The following REEP5 variants were observed in gnomAD, a reference collection of about 807,000 sequenced individuals.
REEP5 encodes the protein receptor accessory protein 5.
Under a neutral mutation model 22.4 loss-of-function variants are expected in REEP5, and 24 were observed. The observed-to-expected ratio is 1.07, with a 90% CI of 0.78 to 1.51. The LOEUF is 1.51. Ranked by LOEUF, REEP5 falls within the 40% of genes most tolerant of loss-of-function variation. The pLI is 0.00. For synonymous variants in REEP5, 103 were observed against 88.6 expected (o/e 1.16, Z -0.92); for missense variants, 252 against 233.0 (o/e 1.08, Z -0.53).
chr5:112,877,816 AAAG>A lies in REEP5; in HGVS notation c.*967_*969del, dbSNP rs1271701041. On this transcript the variant is annotated 3_prime_UTR_variant, in exon 5 of 5. Transcript: ENST00000379638. ...CAGAAGTTCCTTAAACTGGTTTAAA[AAAG>A]AAGATTGGGAAAGAAGACTAAATCA... 1.3e-5 allele frequency: 2 copies of A among 152,228 alleles called. No homozygotes were observed. The highest frequency in any genetic ancestry group is 6.5e-5 in the Admixed American group (1 of 15,284). 9.4% of individuals were successfully genotyped at this position (152,228 alleles called of 1,614,324 possible). A position where few individuals can be genotyped will look rare whatever the true frequency, so the allele number is the denominator to read the frequency against.
At chr5:112,879,230 T>A (rs551520667) in intron 4 of REEP5, among the ~76,000 whole-genome samples, 103 of 149,186 alleles carry the variant, frequency 6.9e-4, no homozygotes, top group African/African-American at 2.4e-3. Flanking sequence ...ATCAATCTGA[T>A]GACAACTAGG....
chr5:112,893,093 TTA>T, intron 3 of REEP5: 1 of 700,000 alleles, frequency 1.4e-6, no homozygotes, highest in East Asian at 3.9e-5. Context: ...AGTTTTGTTC[TTA>T]AAAAAAAAAA....
chr5:112,909,955 C>A (rs1166787116), intron 2 of REEP5, among the ~76,000 whole-genome samples: 1 of 152,200 alleles, frequency 6.6e-6, no homozygotes, highest in African/African-American at 2.4e-5. Context: ...GCTGTACATT[C>A]TCTAAGGACT....
At chr5:112,907,975 C>G (rs1768992559) in intron 2 of REEP5, among the ~76,000 whole-genome samples, 2 of 151,420 alleles carry the variant, frequency 1.3e-5, no homozygotes, top group East Asian at 1.9e-4. Flanking sequence ...AAAGTTAATC[C>G]TGAATAACAG....
chr5:112,886,960 C>G, intron 4 of REEP5, 55 bp downstream of exon 4: 1 of 1,329,242 alleles, frequency 7.5e-7, no homozygotes, highest in Non-Finnish European at 1.0e-6. Flanking sequence ...GTTATTTGAG[C>G]CCAGTGTGTC....
intron 2 of REEP5, among the ~76,000 whole-genome samples, chr5:112,911,940 ATACTCT>A (rs1713753002): frequency 6.6e-6 from 1 of 152,174 alleles, no homozygotes; most frequent in African/African-American, 2.4e-5. Context: ...ATGAAAGAAA[ATACTCT>A]TAGGAAGGTT....
intron 2 of REEP5, among the ~76,000 whole-genome samples, chr5:112,920,492 TA>T (rs1561662017): frequency 1.3e-5 from 2 of 152,112 alleles, no homozygotes; most frequent in African/African-American, 4.8e-5. Context: ...TTAAAAAAAA[TA>T]AACACATTGT....
At chr5:112,904,520 C>G (rs1181710783) in intron 2 of REEP5, among the ~76,000 whole-genome samples, 2 of 152,178 alleles carry the variant, frequency 1.3e-5, no homozygotes, top group East Asian at 1.9e-4. Flanking sequence ...AAAGAAGCAA[C>G]TCTCAGGACA....
rs35932072 is a variant in REEP5, at chr5:112,889,829, AT to A, written c.352-2647del. 1.5e-3 allele frequency among the ~76,000 whole-genome samples: 209 copies of A among 139,296 alleles called. 6 individuals carry two copies. Among genetic ancestry groups the A allele is most frequent in the Middle Eastern group, 7.3e-3 (2 of 274 alleles). The allele number at this position is 139,296 out of a possible 152,430, so 91.4% of individuals were successfully genotyped here. A position where few individuals can be genotyped will look rare whatever the true frequency, so the allele number is the denominator to read the frequency against. On this transcript the variant is annotated intron_variant, in intron 3 of 4. Transcript: ENST00000379638. ...AGACCACATCTCTAGGAAAAAAAAAATTTTTTTTTTTTTTTGAGACTGATTC... is the reference window on the plus strand; with the variant it reads ...AGACCACATCTCTAGGAAAAAAAAAATTTTTTTTTTTTTTGAGACTGATTC...
At chr5:112,919,105 G>A (rs1769293820) in intron 2 of REEP5, among the ~76,000 whole-genome samples, 1 of 152,184 alleles carries the variant, frequency 6.6e-6, no homozygotes, top group Non-Finnish European at 1.5e-5. Flanking sequence ...TCTGGCTAGG[G>A]AGCATAAGAG....
chr5:112,906,408 G>A (rs185795517), intron 2 of REEP5, among the ~76,000 whole-genome samples: 60 of 152,268 alleles, frequency 3.9e-4, no homozygotes, highest in African/African-American at 1.1e-3. Context: ...CAAAATGTCC[G>A]GTACAAAGTA....
Position 112,877,582 on chromosome 5 carries a change from G to GTAAAC in REEP5, c.*1199_*1203dup, listed in dbSNP as rs1767936330. 1.3e-5 allele frequency: 2 copies of GTAAAC among 152,162 alleles called. No homozygotes were observed. Among genetic ancestry groups the GTAAAC allele is most frequent in the Non-Finnish European group, 2.9e-5 (2 of 68,042 alleles). 9.4% of individuals were successfully genotyped at this position (152,162 alleles called of 1,614,324 possible). A position where few individuals can be genotyped will look rare whatever the true frequency, so the allele number is the denominator to read the frequency against. ...AATGGACTACAAGTGACTCTGACTT[G>GTAAAC]TAAACTAGGGAAGCCTCTTGTGTTT... On this transcript the variant is annotated 3_prime_UTR_variant, in exon 5 of 5. Transcript: ENST00000379638.
chr5:112,887,359 A>G (rs1374908168), intron 3 of REEP5, among the ~76,000 whole-genome samples, 176 bp from the exon 4 acceptor site: 4 of 152,214 alleles, frequency 2.6e-5, no homozygotes, highest in Non-Finnish European at 5.9e-5. Context: ...AAAAAACATG[A>G]TGAGTAATGA....
At chr5:112,899,473 T>C (rs563538953) in intron 3 of REEP5, among the ~76,000 whole-genome samples, 2 of 152,322 alleles carry the variant, frequency 1.3e-5, no homozygotes, top group Admixed American at 6.5e-5. Context: ...TACTAAATTA[T>C]GCAAAAATTT....
intron 3 of REEP5, chr5:112,892,959 C>G (rs1355863859): frequency 6.3e-7 from 1 of 1,595,596 alleles, no homozygotes; most frequent in East Asian, 2.3e-5. Flanking sequence ...ACCAGGGCCG[C>G]CGGAGCCAGA....
intron 3 of REEP5, chr5:112,892,300 A>G: frequency 5.6e-6 from 9 of 1,614,072 alleles, no homozygotes; most frequent in Non-Finnish European, 7.6e-6. Flanking sequence ...GCAGTGCAGG[A>G]GGGATGACTA....
intron 2 of REEP5, among the ~76,000 whole-genome samples, chr5:112,907,582 A>T (rs1363870823): frequency 6.6e-6 from 1 of 152,250 alleles, no homozygotes; most frequent in Non-Finnish European, 1.5e-5. Context: ...GGCAGCTCTA[A>T]AATTAATCGA....
At chr5:112,879,683 A>G (rs549761713) in intron 4 of REEP5, among the ~76,000 whole-genome samples, 22 of 151,978 alleles carry the variant, frequency 1.4e-4, no homozygotes, top group East Asian at 3.9e-4. Flanking sequence ...TCACTGTGTT[A>G]GCCAGGATGG....
Position 112,877,411 on chromosome 5 carries a change from A to T in REEP5, c.*1375T>A, listed in dbSNP as rs1281826812. Reference sequence around the variant, plus strand: ...AAAGGACTCTTAACAGTATGGTGTAAAACTCAGATTTTCTAGTCCAGACAA... The same window carrying T: ...AAAGGACTCTTAACAGTATGGTGTATAACTCAGATTTTCTAGTCCAGACAA... On this transcript the variant is annotated 3_prime_UTR_variant, in exon 5 of 5. Coordinates refer to ENST00000379638, the MANE Select transcript of REEP5 (RefSeq NM_005669.5). 6.6e-6 allele frequency: 1 copy of T among 152,170 alleles called. No individual in the cohort carries two copies. The highest frequency in any genetic ancestry group is 1.5e-5 in the Non-Finnish European group (1 of 68,032). 9.4% of individuals were successfully genotyped at this position (152,170 alleles called of 1,614,324 possible).
Sources: allele counts gnomAD v4.1 joint callset (sites outside exome capture counted in the v4.1 genomes callset), GRCh38; gene constraint gnomAD v4.1.1; transcripts MANE v1.5; gene names NCBI Gene and HGNC (gene_info 2026-07-23, HGNC 2026-07-21).